SPATA13: variants seen among roughly 807,000 people sequenced by gnomAD.
SPATA13 encodes spermatogenesis associated 13.
Under a neutral mutation model 104.0 loss-of-function variants are expected in SPATA13, and 50 were observed. The observed-to-expected ratio is 0.48, with a 90% CI of 0.38 to 0.61. The LOEUF (loss-of-function observed/expected upper bound fraction) is 0.61, where lower values mean the gene tolerates loss of function less well. Among genes scored for constraint, SPATA13 ranks in the 20% least tolerant of loss-of-function variants. The pLI, the probability that SPATA13 is intolerant of heterozygous loss-of-function variation, is 0.00. For synonymous variants in SPATA13, 606 were observed against 667.5 expected, an observed-to-expected ratio of 0.91 and a Z score of 1.42; for missense variants, 1,524 against 1,690.6, an observed-to-expected ratio of 0.90 and a Z score of 1.73.
intron 1 of SPATA13, among the ~76,000 whole-genome samples, chr13:24,172,284 A>G (rs1321773309): frequency 6.6e-6 from 1 of 152,240 alleles, no homozygotes; most frequent in Admixed American, 6.5e-5. Flanking sequence ...TGTGGTTTGC[A>G]AATGTTTTCT....
chr13:24,277,220 G>T lies in SPATA13; in HGVS notation c.2165-6915G>T, dbSNP rs372595343. Among the ~76,000 whole-genome samples the T allele has an allele frequency of 3.3e-5, 5 of 152,028 alleles. No individual in the cohort carries two copies. In the East Asian group the frequency reaches 5.8e-4, roughly 18 times the overall value. Reference sequence around the variant, plus strand: ...AGCACTTTGGGAGGCCGAGGCGGGCGGATCACAAGGTCAGGAGATCGAGAC... The same window carrying T: ...AGCACTTTGGGAGGCCGAGGCGGGCTGATCACAAGGTCAGGAGATCGAGAC... On this transcript the variant is annotated intron_variant, in intron 4 of 12. Coordinates refer to ENST00000382108, the MANE Select transcript of SPATA13 (RefSeq NM_001166271.3).
chr13:24,142,355 G>A (rs1158716198), intron 3 of SPATA13, among the ~76,000 whole-genome samples: 1 of 152,152 alleles, frequency 6.6e-6, no homozygotes, highest in Non-Finnish European at 1.5e-5. Context: ...CCACATTCCA[G>A]TCAGTTGTCA....
chr13:24,006,133 CTATTA>C (rs946499798), intron 2 of SPATA13, among the ~76,000 whole-genome samples: 4 of 152,200 alleles, frequency 2.6e-5, no homozygotes, highest in Non-Finnish European at 4.4e-5. Flanking sequence ...CACCATAATT[CTATTA>C]TTAGGTGAGA....
In SPATA13 at chr13:24,234,237, T is replaced by C. The variant is rs182946955; in HGVS notation, c.1653+9655T>C. Among the ~76,000 whole-genome samples the C allele has an allele frequency of 1.0e-3, 154 of 152,340 alleles. 3 individuals carry two copies. The highest frequency in any genetic ancestry group is 8.5e-4 in the Admixed American group (13 of 15,298). On this transcript the variant is annotated intron_variant, in intron 2 of 12. Coordinates refer to ENST00000382108, the MANE Select transcript of SPATA13 (RefSeq NM_001166271.3). ...GTTTAAGAAATGATAGGAAGCAATA[T>C]CATAATATATTCTTCAGTGTTTTCT... is the stretch of plus-strand genomic sequence containing the variant.
At chr13:24,278,946 TTCCC>T (rs1297327315) in intron 4 of SPATA13, 47 of 707,110 alleles carry the variant, frequency 6.6e-5, no homozygotes, top group Admixed American at 1.9e-4. Flanking sequence ...CCTTCCTTCC[TTCCC>T]TCCTTCCTTC....
chr13:24,222,795 C>A, intron 1 of SPATA13, 24 bp from the exon 2 acceptor site: 1 of 1,492,942 alleles, frequency 6.7e-7, no homozygotes, highest in Non-Finnish European at 9.0e-7. Context: ...ATGGCTAAAC[C>A]GCCTGCTTTG....
chr13:24,156,314 T>C (rs1156282168), upstream of SPATA13, among the ~76,000 whole-genome samples: 1 of 152,158 alleles, frequency 6.6e-6, no homozygotes, highest in Admixed American at 6.5e-5. Flanking sequence ...TCTCCTCTTT[T>C]GCCTGTAGCT....
chr13:24,171,304 G>A lies in SPATA13; in HGVS notation c.-112+10372G>A, dbSNP rs115064452. Among the ~76,000 whole-genome samples the A allele has an allele frequency of 1.1e-3, 164 of 152,248 alleles. 1 individual carries two copies. The highest frequency in any genetic ancestry group is 3.6e-3 in the African/African-American group (150 of 41,544). On this transcript the variant is annotated intron_variant, in intron 1 of 12. Transcript: ENST00000382108. ...ATTTTTCAAGAGACGAAGGAAGATG[G>A]TGAAGTCGTGACCCTTGTCTCAGAA...
intron 1 of SPATA13, among the ~76,000 whole-genome samples, chr13:24,219,167 C>T (rs112820528): frequency 0.013 from 1,979 of 152,298 alleles, 43 homozygotes; most frequent in African/African-American, 0.045. Flanking sequence ...TACAAAACCA[C>T]TAATTGAATT....
At chr13:24,255,988 A>G (rs1873770205) in intron 4 of SPATA13, among the ~76,000 whole-genome samples, 1 of 152,228 alleles carries the variant, frequency 6.6e-6, no homozygotes, top group African/African-American at 2.4e-5. Context: ...TGTTTGTTAT[A>G]CACAGATAGT....
intron 3 of SPATA13, among the ~76,000 whole-genome samples, chr13:24,119,771 AGGAAGCCT>A (rs1375149359): frequency 1.3e-5 from 2 of 152,210 alleles, no homozygotes; most frequent in African/African-American, 2.4e-5. Context: ...CTGCCAAGGA[AGGAAGCCT>A]GGGAGAGCTT....
intron 2 of SPATA13, among the ~76,000 whole-genome samples, chr13:24,232,371 T>C (rs370318202): frequency 0.025 from 3,408 of 136,630 alleles, 138 homozygotes; most frequent in African/African-American, 0.081. Flanking sequence ...CTTCTTTACT[T>C]TACTGATTAC....
chr13:24,020,776 A>G (rs1303161816), intron 3 of SPATA13, among the ~76,000 whole-genome samples: 20 of 152,134 alleles, frequency 1.3e-4, no homozygotes, highest in Admixed American at 1.3e-3. Context: ...GGGCGAGATG[A>G]CTCATGCCTA....
intron 2 of SPATA13, among the ~76,000 whole-genome samples, chr13:24,003,411 G>T (rs370757460): frequency 2.0e-5 from 3 of 152,324 alleles, no homozygotes; most frequent in East Asian, 3.9e-4. Flanking sequence ...TGAATGGAGT[G>T]CACACAGGAA....
Position 24,223,311 on chromosome 13 carries a change from C to T in SPATA13, c.382C>T (p.Arg128Ter), listed in dbSNP as rs9634394. Reference protein sequence around the residue: ...KSSVLKGIQSREGSNACSKGE... With the variant: ...KSSVLKGIQS ...CTCAGTCCTGAAAGGAATTCAGAGCCGAGAGGGGTCAAATGCCTGTTCAAA... is the reference window on the plus strand; with the variant it reads ...CTCAGTCCTGAAAGGAATTCAGAGCTGAGAGGGGTCAAATGCCTGTTCAAA... Residue 128 changes from arginine (R) to a stop codon, truncating the protein, a stop_gained, in exon 2 of 13, where the codon CGA (arginine) becomes TGA (stop). Coordinates refer to ENST00000382108, the MANE Select transcript of SPATA13 (RefSeq NM_001166271.3). LOFTEE classifies it high-confidence loss of function. 2.6e-6 allele frequency: 4 copies of T among 1,551,392 alleles called. No individual in the cohort carries two copies. Among genetic ancestry groups the T allele is most frequent in the Non-Finnish European group, 3.5e-6 (4 of 1,146,998 alleles).
chr13:24,006,012 T>C (rs1271968567), intron 2 of SPATA13, among the ~76,000 whole-genome samples: 1 of 152,208 alleles, frequency 6.6e-6, no homozygotes, highest in Non-Finnish European at 1.5e-5. Context: ...AGACATCCCC[T>C]GAGAAGGCCA....
intron 2 of SPATA13, among the ~76,000 whole-genome samples, chr13:24,241,872 T>C (rs1490786984): frequency 6.6e-6 from 1 of 152,028 alleles, no homozygotes; most frequent in South Asian, 2.1e-4. Context: ...AGCAACATAG[T>C]GAGACCCCTA....
At chr13:24,215,888 G>T (rs1224225563) in intron 1 of SPATA13, among the ~76,000 whole-genome samples, 1 of 152,184 alleles carries the variant, frequency 6.6e-6, no homozygotes, top group Non-Finnish European at 1.5e-5. Flanking sequence ...TGTGGGGGAG[G>T]TGCAGTCTTG....
intron 11 of SPATA13, among the ~76,000 whole-genome samples, chr13:24,298,853 C>T (rs540609827): frequency 2.6e-4 from 39 of 152,134 alleles, no homozygotes; most frequent in Admixed American, 9.8e-4. Flanking sequence ...CAGGCTAAAA[C>T]GGAAGCAGGG....
Sources: allele counts gnomAD v4.1 joint callset (sites outside exome capture counted in the v4.1 genomes callset), GRCh38; gene constraint gnomAD v4.1.1; transcripts MANE v1.5; gene names NCBI Gene and HGNC (gene_info 2026-07-23, HGNC 2026-07-21).